Variants in PALS1 observed in about 807,000 individuals in gnomAD.
PALS1 encodes the protein protein associated with LIN7 1, MAGUK p55 family member.
PALS1 carries 31 observed loss-of-function variants against 78.9 expected under a neutral mutation model. That is an observed-to-expected ratio of 0.39 (90% confidence interval 0.30 to 0.53). The LOEUF is 0.53. PALS1 is among the 20% of genes least tolerant of loss of function. The probability of loss-of-function intolerance (pLI) is 0.67; values close to 1 mark genes in which losing one functional copy is unlikely to be tolerated. For synonymous variants in PALS1, 276 were observed against 270.9 expected, an observed-to-expected ratio of 1.02 and a Z score of -0.18; for missense variants, 704 against 826.5, an observed-to-expected ratio of 0.85 and a Z score of 1.82.
At chr14:67,296,880 C>G (rs1273518317) in intron 4 of PALS1, among the ~76,000 whole-genome samples, 1 of 152,068 alleles carries the variant, frequency 6.6e-6, no homozygotes, top group African/African-American at 2.4e-5. Context: ...GACTCAAACT[C>G]TTGGGCTCAA....
chr14:67,317,592 T>C, intron 11 of PALS1, 113 bp downstream of exon 11: 1 of 646,994 alleles, frequency 1.5e-6, no homozygotes, highest in Non-Finnish European at 2.5e-6. Context: ...TAGTAGAAAG[T>C]ATTTTCTTTT....
At chr14:67,256,044 A>T (rs909419996) in intron 1 of PALS1, among the ~76,000 whole-genome samples, 3 of 152,238 alleles carry the variant, frequency 2.0e-5, no homozygotes, top group Non-Finnish European at 1.5e-5. Flanking sequence ...GTTTGTTTTC[A>T]GAAAAGTAAT....
At chr14:67,312,797 C>A in intron 9 of PALS1, 87 bp downstream of exon 9, 1 of 1,038,406 alleles carries the variant, frequency 9.6e-7, no homozygotes, top group Non-Finnish European at 1.3e-6. Flanking sequence ...CTCTTTCATG[C>A]CTCTATTTAA....
rs182125595 is a variant in PALS1, at chr14:67,286,336, G to A, written c.368-6175G>A. Among the ~76,000 whole-genome samples, 320 of 152,200 alleles carry A rather than the reference G, an allele frequency of 2.1e-3. 2 individuals are homozygous for A. Among genetic ancestry groups the A allele is most frequent in the Non-Finnish European group, 4.0e-3 (269 of 68,010 alleles). ...TGTTGTCTGTCTGTATGGGATTGGG[G>A]AAGGGAATTTCTTCTCTCTGTCCTC... On this transcript the variant is annotated intron_variant, in intron 3 of 14. Coordinates refer to ENST00000261681, the MANE Select transcript of PALS1 (RefSeq NM_022474.4).
At chr14:67,258,164 C>T (rs2084176301) in intron 1 of PALS1, among the ~76,000 whole-genome samples, 3 of 151,892 alleles carry the variant, frequency 2.0e-5, no homozygotes, top group Admixed American at 1.3e-4. Flanking sequence ...GCAGGGTTCT[C>T]AGAGCCACTA....
intron 1 of PALS1, among the ~76,000 whole-genome samples, chr14:67,262,620 A>G (rs968071531): frequency 5.3e-5 from 8 of 152,166 alleles, no homozygotes; most frequent in Admixed American, 5.2e-4. Flanking sequence ...ATTTTACCCT[A>G]GTCAACTCTG....
At chr14:67,272,850 G>A (rs988926671) in intron 2 of PALS1, among the ~76,000 whole-genome samples, 4 of 152,034 alleles carry the variant, frequency 2.6e-5, no homozygotes, top group African/African-American at 9.7e-5. Context: ...GCATGTTTTT[G>A]TAGAGATGGG....
chr14:67,265,757 T>G (rs2084312671), intron 1 of PALS1, among the ~76,000 whole-genome samples: 1 of 150,182 alleles, frequency 6.7e-6, no homozygotes, highest in South Asian at 2.1e-4. Context: ...CTCTGGAGGC[T>G]GAGGCATGAG....
chr14:67,317,519 A>G, intron 11 of PALS1, 40 bp downstream of exon 11: 2 of 1,419,688 alleles, frequency 1.4e-6, no homozygotes, highest in Non-Finnish European at 2.0e-6. Flanking sequence ...TTATATCTGA[A>G]AGGAGTCTAA....
intron 3 of PALS1, among the ~76,000 whole-genome samples, chr14:67,280,850 T>TCTTTC (rs2084595678): frequency 1.7e-5 from 2 of 120,118 alleles, no homozygotes; most frequent in African/African-American, 8.0e-5. Context: ...CTTCCTTCCT[T>TCTTTC]CCTTCCCTCC....
chr14:67,269,776 T>G lies in PALS1; in HGVS notation c.-161T>G, dbSNP rs958260778. ...GACAGTAGAAAAGGCTTTTCCAGTT[T>G]GCATAATGTAAGTTCTTTTCACTTT... is the stretch of plus-strand genomic sequence containing the variant. On this transcript the variant is annotated 5_prime_UTR_variant, in exon 2 of 15. Transcript: ENST00000261681. 6.6e-6 allele frequency: 1 copy of G among 152,634 alleles called. No homozygotes were observed. Among genetic ancestry groups the G allele is most frequent in the Non-Finnish European group, 1.5e-5 (1 of 68,038 alleles). 9.5% of individuals were successfully genotyped at this position (152,634 alleles called of 1,614,324 possible).
At chr14:67,287,157 T>G (rs1300358447) in intron 3 of PALS1, among the ~76,000 whole-genome samples, 1 of 152,106 alleles carries the variant, frequency 6.6e-6, no homozygotes. Flanking sequence ...AGCTCAGGAC[T>G]GCAGTGAGCC....
intron 8 of PALS1, among the ~76,000 whole-genome samples, chr14:67,308,314 CTTTTTTTT>C (rs34145010): frequency 1.4e-5 from 2 of 139,486 alleles, no homozygotes; most frequent in Non-Finnish European, 3.1e-5. Flanking sequence ...ACCAAACTTC[CTTTTTTTT>C]TTTTTTCTTT....
At chr14:67,274,227 G>A (rs1298684524) in intron 2 of PALS1, among the ~76,000 whole-genome samples, 1 of 152,126 alleles carries the variant, frequency 6.6e-6, no homozygotes, top group African/African-American at 2.4e-5. Context: ...TATTGCCTAG[G>A]TTTTCTTCTA....
In PALS1 at chr14:67,335,200, A is replaced by C. The variant is rs2085510607; in HGVS notation, c.*2244A>C. On this transcript the variant is annotated 3_prime_UTR_variant, in exon 15 of 15. Coordinates refer to ENST00000261681, the MANE Select transcript of PALS1 (RefSeq NM_022474.4). ...CAGCAATGGTAGATAGAAATGTCCT[A>C]AACTTTTCTAAATCCTAGTGATGAG... is the stretch of plus-strand genomic sequence containing the variant. 1 of 152,222 alleles carries C rather than the reference A, an allele frequency of 6.6e-6. No individual in the cohort carries two copies. Among genetic ancestry groups the C allele is most frequent in the South Asian group, 2.1e-4 (1 of 4,828 alleles). The allele number at this position is 152,222 out of a possible 1,614,324, so 9.4% of individuals were successfully genotyped here. A position where few individuals can be genotyped will look rare whatever the true frequency, so the allele number is the denominator to read the frequency against.
intron 14 of PALS1, 83 bp from the exon 15 acceptor site, chr14:67,332,697 T>C: frequency 1.4e-6 from 2 of 1,403,760 alleles, no homozygotes; most frequent in Non-Finnish European, 1.9e-6. Context: ...AGGTCGCTCC[T>C]TGTTCTTTGG....
chr14:67,262,117 A>G (rs117412856), intron 1 of PALS1, among the ~76,000 whole-genome samples: 1,839 of 152,274 alleles, frequency 0.012, 19 homozygotes, highest in Non-Finnish European at 0.018. Flanking sequence ...TGGAAAACAG[A>G]TATCTGACCT....
intron 1 of PALS1, among the ~76,000 whole-genome samples, chr14:67,254,665 C>A (rs2084118365): frequency 6.6e-6 from 1 of 152,110 alleles, no homozygotes; most frequent in African/African-American, 2.4e-5. Context: ...CTTATTAGTT[C>A]TGATAACTCT....
At chr14:67,247,519 T>C (rs931071250) in intron 1 of PALS1, among the ~76,000 whole-genome samples, 1 of 152,314 alleles carries the variant, frequency 6.6e-6, no homozygotes, top group African/African-American at 2.4e-5. Flanking sequence ...TGCTGTATTG[T>C]CTTGGTTAGG....
Sources: gnomAD v4.1 joint callset for allele counts (sites outside exome capture counted in the v4.1 genomes callset) on GRCh38, gnomAD v4.1.1 for gene constraint, MANE v1.5 for transcripts, NCBI Gene and HGNC (gene_info 2026-07-23, HGNC 2026-07-21) for gene names.